Variants in KLHDC1 observed in about 807,000 individuals in gnomAD.
The protein encoded by KLHDC1 is kelch domain-containing protein 1.
In KLHDC1, 53 loss-of-function variants were observed where a neutral mutation model predicts 68.3. That is an observed-to-expected ratio of 0.78 (90% CI 0.62 to 0.98). The LOEUF (loss-of-function observed/expected upper bound fraction) is 0.98, where lower values mean the gene tolerates loss of function less well. Among genes scored for constraint, KLHDC1 ranks in the 50% least tolerant of loss-of-function variants. KLHDC1 has a pLI of 0.00. For missense variants in KLHDC1, 470 were observed against 492.3 expected (o/e 0.95, Z 0.43); for synonymous variants, 148 against 159.0 (o/e 0.93, Z 0.52).
intron 1 of KLHDC1, among the ~76,000 whole-genome samples, chr14:49,705,249 A>G (rs1888016698): frequency 6.6e-6 from 1 of 152,112 alleles, no homozygotes; most frequent in Admixed American, 6.5e-5. Flanking sequence ...GAGGGATAGC[A>G]GCTACCATAT....
intron 4 of KLHDC1, among the ~76,000 whole-genome samples, chr14:49,713,833 TA>T (rs1566602918): frequency 0.059 from 917 of 15,578 alleles, 210 homozygotes; most frequent in Middle Eastern, 0.071. Flanking sequence ...TATATATATA[TA>T]TATATATATA....
At chr14:49,739,235 C>T (rs1889003669) in intron 10 of KLHDC1, among the ~76,000 whole-genome samples, 1 of 152,094 alleles carries the variant, frequency 6.6e-6, no homozygotes, top group Non-Finnish European at 1.5e-5. Context: ...AGATGATAAG[C>T]TTTTCTCATA....
At chr14:49,707,204 A>G (rs1193578976) in intron 1 of KLHDC1, among the ~76,000 whole-genome samples, 1 of 151,852 alleles carries the variant, frequency 6.6e-6, no homozygotes, top group Non-Finnish European at 1.5e-5. Flanking sequence ...TGCACCATCT[A>G]TTGAAAAGAC....
chr14:49,694,945 C>G (rs1887691240), intron 1 of KLHDC1, among the ~76,000 whole-genome samples: 1 of 152,196 alleles, frequency 6.6e-6, no homozygotes, highest in African/African-American at 2.4e-5. Context: ...GAGTTGTATT[C>G]TTTTTGCTCA....
Position 49,743,072 on chromosome 14 carries a change from CAAAAAAAAAAAAA to C in KLHDC1, c.982-670_982-658del, listed in dbSNP as rs55778725. 1.4e-3 allele frequency among the ~76,000 whole-genome samples: 79 copies of C among 58,364 alleles called. 1 individual carries two copies. The South Asian group carries it at 0.023, about 17-fold the overall frequency. The allele number at this position is 58,364 out of a possible 152,430, so 38.3% of individuals were successfully genotyped here. On this transcript the variant is annotated intron_variant, in intron 11 of 12. Coordinates refer to ENST00000359332, the MANE Select transcript of KLHDC1 (RefSeq NM_172193.3). Reference sequence around the variant, plus strand: ...GGGCAAGAGAGCCAGACCCTGTCTCCAAAAAAAAAAAAAAAAAAAAAAAGGTTTGAAAACCACT... The same window carrying C: ...GGGCAAGAGAGCCAGACCCTGTCTCCAAAAAAAAAAGGTTTGAAAACCACT...
rs1888286826 is a variant in KLHDC1, at chr14:49,713,830, ATATATATATATATATATATATT to A, written c.404+3451_404+3472del. Among the ~76,000 whole-genome samples the A allele has an allele frequency of 1.9e-3, 4 of 2,112 alleles. 1 individual carries two copies. Among genetic ancestry groups the A allele is most frequent in the African/African-American group, 3.3e-3 (4 of 1,230 alleles). The allele number at this position is 2,112 out of a possible 152,430, so 1.4% of individuals were successfully genotyped here. ...TATATATATATATATATATATATATATATATATATATATATATATATTTTTTTTTTTTTTTTTCCTGAGACAG... is the reference window on the plus strand; with the variant it reads ...TATATATATATATATATATATATATATTTTTTTTTTTTTTTCCTGAGACAG... On this transcript the variant is annotated intron_variant, in intron 4 of 12. Transcript: ENST00000359332.
intron 4 of KLHDC1, among the ~76,000 whole-genome samples, chr14:49,719,619 G>A (rs1185954722): frequency 6.6e-6 from 1 of 151,418 alleles, no homozygotes; most frequent in Non-Finnish European, 1.5e-5. Context: ...TTTATTTTTT[G>A]TAGAGACAGG....
intron 11 of KLHDC1, 151 bp from the exon 12 acceptor site, chr14:49,743,602 C>A: frequency 1.8e-6 from 1 of 557,600 alleles, no homozygotes; most frequent in Non-Finnish European, 3.2e-6. Flanking sequence ...TATGTGTGTG[C>A]ATGAATTTAT....
chr14:49,693,166 C>T lies in KLHDC1; in HGVS notation c.-29C>T. 4 of 1,563,416 alleles carry T rather than the reference C, an allele frequency of 2.6e-6. No individual in the cohort carries two copies. The highest frequency in any genetic ancestry group is 3.5e-6 in the Non-Finnish European group (4 of 1,155,498). ...CGCCGGGCGGGCAGGGGTTGTGGCG[C>T]GGCAAGCGGCGGGCCAGCGACGGCG... On this transcript the variant is annotated 5_prime_UTR_variant, in exon 1 of 13. Transcript: ENST00000359332.
chr14:49,731,785 T>C (rs1245797169), intron 8 of KLHDC1, among the ~76,000 whole-genome samples: 1 of 152,164 alleles, frequency 6.6e-6, no homozygotes, highest in African/African-American at 2.4e-5. Context: ...GCTTGAGCAA[T>C]CCTCCTGCCT....
intron 12 of KLHDC1, among the ~76,000 whole-genome samples, chr14:49,744,006 G>A (rs184794497): frequency 7.2e-4 from 110 of 152,130 alleles, no homozygotes; most frequent in Non-Finnish European, 1.2e-3. Context: ...ATATACATGC[G>A]TGGCGTGATG....
chr14:49,706,243 T>C (rs906007677), intron 1 of KLHDC1, among the ~76,000 whole-genome samples: 7 of 152,182 alleles, frequency 4.6e-5, no homozygotes, highest in Non-Finnish European at 8.8e-5. Context: ...TGTTTGTCTT[T>C]TTGTGTCTGG....
At chr14:49,712,745 C>A (rs980606197) in intron 4 of KLHDC1, among the ~76,000 whole-genome samples, 1 of 151,956 alleles carries the variant, frequency 6.6e-6, no homozygotes, top group Non-Finnish European at 1.5e-5. Flanking sequence ...TCTCGTGATC[C>A]ACCTGCCTCC....
chr14:49,720,049 C>T lies in KLHDC1; in HGVS notation c.405-3825C>T, dbSNP rs143160836. The stretch of plus-strand genomic sequence containing the variant: ...TTGCCCAGGCTGGAGTGCAGTGGCG[C>T]GATCTTGGCTCACCACAACCTCCAC... On this transcript the variant is annotated intron_variant, in intron 4 of 12. Transcript: ENST00000359332. Among the ~76,000 whole-genome samples, 1,226 of 151,120 alleles carry T rather than the reference C, an allele frequency of 8.1e-3. 8 individuals are homozygous for T. Among genetic ancestry groups the T allele is most frequent in the Non-Finnish European group, 0.013 (864 of 67,808 alleles).
At chr14:49,730,780 C>G (rs1594673936) in intron 8 of KLHDC1, among the ~76,000 whole-genome samples, 1 of 151,762 alleles carries the variant, frequency 6.6e-6, no homozygotes, top group South Asian at 2.1e-4. Flanking sequence ...TGAGACCAGC[C>G]TGGCCAACAT....
chr14:49,742,215 A>ATAC (rs1314578286), intron 11 of KLHDC1, among the ~76,000 whole-genome samples: 9 of 152,352 alleles, frequency 5.9e-5, no homozygotes, highest in Admixed American at 3.9e-4. Flanking sequence ...TTTATCATGA[A>ATAC]AGTAGGAATT....
chr14:49,699,698 C>T (rs1887846316), intron 1 of KLHDC1, among the ~76,000 whole-genome samples: 1 of 152,150 alleles, frequency 6.6e-6, no homozygotes, highest in African/African-American at 2.4e-5. Flanking sequence ...TCTCCATTGT[C>T]AAACATATTC....
At chr14:49,721,448 T>A (rs1045434538) in intron 4 of KLHDC1, among the ~76,000 whole-genome samples, 13 of 152,188 alleles carry the variant, frequency 8.5e-5, no homozygotes, top group African/African-American at 2.6e-4. Flanking sequence ...CTCCCTGTAG[T>A]TTTTAAATTA....
chr14:49,743,876 C>T, intron 12 of KLHDC1, 71 bp downstream of exon 12: 2 of 910,292 alleles, frequency 2.2e-6, no homozygotes, highest in Non-Finnish European at 3.4e-6. Flanking sequence ...TTTTGGGAAG[C>T]ATTGAAATAT....
Sources: gnomAD v4.1 joint callset for allele counts (sites outside exome capture counted in the v4.1 genomes callset) on GRCh38, gnomAD v4.1.1 for gene constraint, MANE v1.5 for transcripts, NCBI Gene and HGNC (gene_info 2026-07-23, HGNC 2026-07-21) for gene names.